Variants in SOX5 observed in about 807,000 individuals in gnomAD.
The protein encoded by SOX5 is SRY-box transcription factor 5, also known as transcription factor SOX-5.
In SOX5, 9 loss-of-function variants were observed where a neutral mutation model predicts 92.0. The ratio of observed to expected loss-of-function variants is 0.10; its 90% CI spans 0.06 to 0.17. The LOEUF (loss-of-function observed/expected upper bound fraction) is 0.17, where lower values mean the gene tolerates loss of function less well. Among genes scored for constraint, SOX5 ranks in the 10% least tolerant of loss-of-function variants. SOX5 has a pLI of 1.00. For synonymous variants in SOX5, 344 were observed against 336.3 expected (o/e 1.02, Z -0.25); for missense variants, 642 against 944.5 (o/e 0.68, Z 4.20).
intron 7 of SOX5, among the ~76,000 whole-genome samples, chr12:23,662,616 T>C (rs1261416417): frequency 6.6e-6 from 1 of 152,212 alleles, no homozygotes; most frequent in East Asian, 1.9e-4. Context: ...ACGATCTTTA[T>C]GTCCAACTAA....
At chr12:24,440,731 C>T (rs1379963294) in intron 1 of SOX5, among the ~76,000 whole-genome samples, 1 of 152,002 alleles carries the variant, frequency 6.6e-6, no homozygotes, top group East Asian at 1.9e-4. Context: ...AGTCTCCGTC[C>T]TCCTCCCCTC....
At chr12:23,921,961 T>A (rs1938405033) in intron 1 of SOX5, among the ~76,000 whole-genome samples, 1 of 152,120 alleles carries the variant, frequency 6.6e-6, no homozygotes, top group Non-Finnish European at 1.5e-5. Flanking sequence ...AAAACGGCAA[T>A]CACTAACTTC....
intron 1 of SOX5, among the ~76,000 whole-genome samples, chr12:23,896,722 A>T (rs2097181483): frequency 6.6e-6 from 1 of 151,766 alleles, no homozygotes. Context: ...AGTAAAAAAA[A>T]AAAAAAAAAG....
intron 4 of SOX5, among the ~76,000 whole-genome samples, chr12:24,076,964 A>T (rs1942702017): frequency 6.6e-6 from 1 of 152,176 alleles, no homozygotes; most frequent in Admixed American, 6.6e-5. Context: ...CCCTAGGAAT[A>T]AACAGTTATA....
intron 3 of SOX5, among the ~76,000 whole-genome samples, chr12:23,783,455 A>T (rs1010672608): frequency 1.3e-5 from 2 of 152,228 alleles, no homozygotes; most frequent in Admixed American, 6.5e-5. Context: ...ATTTAAAAGT[A>T]GTTTTAGCGT....
At chr12:23,743,107 T>C (rs1407872745) in intron 4 of SOX5, among the ~76,000 whole-genome samples, 1 of 152,182 alleles carries the variant, frequency 6.6e-6, no homozygotes, top group Non-Finnish European at 1.5e-5. Flanking sequence ...AAAATTATTT[T>C]TGAAGAAAAT....
intron 1 of SOX5, among the ~76,000 whole-genome samples, chr12:24,398,933 G>A (rs1006524941): frequency 2.0e-5 from 3 of 152,128 alleles, no homozygotes; most frequent in Non-Finnish European, 2.9e-5. Flanking sequence ...AATGCTCCAG[G>A]GAGTTGCCAA....
At chr12:24,484,854 G>A (rs1946356828) in intron 1 of SOX5, among the ~76,000 whole-genome samples, 1 of 152,114 alleles carries the variant, frequency 6.6e-6, no homozygotes, top group Non-Finnish European at 1.5e-5. Flanking sequence ...TTTAAATCTG[G>A]AGGTAGAAAT....
intron 1 of SOX5, among the ~76,000 whole-genome samples, chr12:24,450,405 G>A (rs1236079092): frequency 6.6e-6 from 1 of 152,066 alleles, no homozygotes; most frequent in East Asian, 1.9e-4. Context: ...TTTTGATACG[G>A]ACATACAACA....
intron 3 of SOX5, among the ~76,000 whole-genome samples, chr12:23,827,625 C>T (rs540073627): frequency 8.5e-4 from 130 of 152,234 alleles, no homozygotes; most frequent in African/African-American, 3.1e-3. Context: ...AGGAGGGTTT[C>T]GATGTTGCTG....
rs551152247 is a variant in SOX5 at position 24,423,917 on chromosome 12, A to G, written c.-250-55278T>C. Among the ~76,000 whole-genome samples the G allele has an allele frequency of 5.9e-5, 9 of 152,344 alleles. No homozygotes were observed. The South Asian group carries it at 1.0e-3, about 18-fold the overall frequency. On this transcript the variant is annotated intron_variant, in intron 1 of 4. Transcript: ENST00000446891. ...CACTGCGCAGCAATGACAGAGCTGCATGGAACGAGGAGATAAGGGCCCCAG... is the reference window on the plus strand; with the variant it reads ...CACTGCGCAGCAATGACAGAGCTGCGTGGAACGAGGAGATAAGGGCCCCAG...
At chr12:23,693,555 C>T (rs1286950531) in intron 6 of SOX5, among the ~76,000 whole-genome samples, 1 of 152,106 alleles carries the variant, frequency 6.6e-6, no homozygotes, top group African/African-American at 2.4e-5. Context: ...ATTTAAAATG[C>T]TTTTTTCTTA....
At chr12:23,616,064 G>C (rs1019596288) in intron 8 of SOX5, among the ~76,000 whole-genome samples, 1 of 152,120 alleles carries the variant, frequency 6.6e-6, no homozygotes, top group Admixed American at 6.5e-5. Flanking sequence ...CCTAACAGAG[G>C]AGAGGTACAA....
At chr12:23,535,797 T>C (rs1406693856) in intron 14 of SOX5, among the ~76,000 whole-genome samples, 1 of 152,226 alleles carries the variant, frequency 6.6e-6, no homozygotes, top group Non-Finnish European at 1.5e-5. Flanking sequence ...AACTTCTGTT[T>C]CAAATATGAA....
rs555983678 is a variant in SOX5 at position 24,392,681 on chromosome 12, C to A, written c.-250-24042G>T. Among the ~76,000 whole-genome samples, 74 of 152,148 alleles carry A rather than the reference C, an allele frequency of 4.9e-4. No homozygotes were observed. The Middle Eastern group carries it at 0.017, about 35-fold the overall frequency. The stretch of plus-strand genomic sequence containing the variant: ...ATATATTTATTTATTTCCATCTCTA[C>A]CCCTAGAACCCAAACGCTTTGAGAG... On this transcript the variant is annotated intron_variant, in intron 1 of 4. Transcript: ENST00000446891.
In SOX5 at chr12:24,520,465, G is replaced by GA. The variant is rs540063672; in HGVS notation, c.-251+41863dup. Among the ~76,000 whole-genome samples the GA allele has an allele frequency of 8.2e-4, 122 of 148,276 alleles. 4 individuals carry two copies. In the South Asian group the frequency reaches 0.023, roughly 28 times the overall value. ...AAGCAATCCTCAAGCTAACTACAAA[G>GA]AAAAAAAATCTATAATAGACACATA... is the stretch of plus-strand genomic sequence containing the variant. On this transcript the variant is annotated intron_variant, in intron 1 of 4. Coordinates refer to the SOX5 transcript ENST00000446891.
chr12:23,830,426 C>G (rs904599767), intron 3 of SOX5, among the ~76,000 whole-genome samples: 13 of 152,104 alleles, frequency 8.5e-5, no homozygotes, highest in Non-Finnish European at 1.6e-4. Flanking sequence ...TAGCCTCCAA[C>G]AGCAGCGGGA....
intron 2 of SOX5, among the ~76,000 whole-genome samples, chr12:23,884,181 C>T (rs1385469161): frequency 1.3e-5 from 2 of 152,180 alleles, no homozygotes; most frequent in Non-Finnish European, 1.5e-5. Context: ...TGTACGCACC[C>T]TCTAGGTTAG....
At chr12:23,718,156 A>G (rs973021356) in intron 6 of SOX5, among the ~76,000 whole-genome samples, 10 of 152,214 alleles carry the variant, frequency 6.6e-5, no homozygotes, top group Non-Finnish European at 1.0e-4. Flanking sequence ...GATATTTCAA[A>G]TAGAAAAGAA....
Sources: allele counts gnomAD v4.1 joint callset (sites outside exome capture counted in the v4.1 genomes callset), GRCh38; gene constraint gnomAD v4.1.1; transcripts MANE v1.5; gene names NCBI Gene and HGNC (gene_info 2026-07-23, HGNC 2026-07-21).